Variants in GRIP1 observed in about 807,000 individuals in gnomAD.
The protein encoded by GRIP1 is glutamate receptor-interacting protein 1.
A neutral mutation model predicts 129.9 loss-of-function variants in GRIP1; 45 were observed. That is an observed-to-expected ratio of 0.35 (90% CI 0.27 to 0.44). The LOEUF (loss-of-function observed/expected upper bound fraction) is 0.44. Ranked by LOEUF, GRIP1 falls within the 20% of genes least tolerant of loss-of-function variation. GRIP1 has a pLI of 1.00. For synonymous variants in GRIP1, 530 were observed against 520.8 expected, an observed-to-expected ratio of 1.02 and a Z score of -0.24; for missense variants, 1,196 against 1,396.8, an observed-to-expected ratio of 0.86 and a Z score of 2.29.
chr12:66,724,231 T>A (rs890300312), intron 1 of GRIP1, among the ~76,000 whole-genome samples: 30 of 152,198 alleles, frequency 2.0e-4, no homozygotes, highest in Non-Finnish European at 4.4e-4. Flanking sequence ...GTCATTTCTT[T>A]ACACATATCA....
rs533267279 is a variant in GRIP1 at position 66,626,384 on chromosome 12, G to A, written c.56-29457C>T. Among the ~76,000 whole-genome samples, 8 of 146,698 alleles carry A rather than the reference G, an allele frequency of 5.5e-5. 1 individual carries two copies. In the South Asian group the frequency reaches 1.5e-3, roughly 28 times the overall value. On this transcript the variant is annotated intron_variant, in intron 1 of 24. Transcript: ENST00000359742. Reference sequence around the variant, plus strand: ...TTACTTTTAAAACCAAATGCTAAAAGAGTCAAACAAAAGTTCAATTAAAAA... The same window carrying A: ...TTACTTTTAAAACCAAATGCTAAAAAAGTCAAACAAAAGTTCAATTAAAAA...
In GRIP1 at chr12:66,561,825, G is replaced by A. The variant is rs939532041; in HGVS notation, c.137-19875C>T. On this transcript the variant is annotated intron_variant, in intron 2 of 24. Coordinates refer to ENST00000359742, the MANE Select transcript of GRIP1 (RefSeq NM_001366722.1). ...AAGAAAGAATATGTCTGGGTTTGGTGGCTCATGCCTGTAATCCTAGTAATT... is the reference window on the plus strand; with the variant it reads ...AAGAAAGAATATGTCTGGGTTTGGTAGCTCATGCCTGTAATCCTAGTAATT... Among the ~76,000 whole-genome samples, 9 of 152,284 alleles carry A rather than the reference G, an allele frequency of 5.9e-5. No individual in the cohort carries two copies. In the South Asian group the frequency reaches 1.9e-3, roughly 32 times the overall value.
At chr12:66,744,407 C>A (rs2036882326) in intron 1 of GRIP1, among the ~76,000 whole-genome samples, 1 of 152,090 alleles carries the variant, frequency 6.6e-6, no homozygotes, top group African/African-American at 2.4e-5. Context: ...AAACATAATG[C>A]CCTATATGTC....
chr12:66,456,391 C>G (rs1435217120), intron 9 of GRIP1, 49 bp from the exon 10 acceptor site: 6 of 1,053,296 alleles, frequency 5.7e-6, no homozygotes, highest in African/African-American at 1.7e-5. Flanking sequence ...AACGAACAAA[C>G]AAAGAACCAA....
intron 1 of GRIP1, among the ~76,000 whole-genome samples, chr12:66,723,226 C>A: frequency 6.2e-5 from 2 of 32,432 alleles, no homozygotes; most frequent in African/African-American, 3.2e-4. Context: ...TTCTTTCTTT[C>A]TCTCTCTCTC....
At chr12:66,578,839 A>G (rs1156729723) in intron 2 of GRIP1, among the ~76,000 whole-genome samples, 1 of 152,188 alleles carries the variant, frequency 6.6e-6, no homozygotes, top group Non-Finnish European at 1.5e-5. Flanking sequence ...GGGCACAGAC[A>G]AACAAAAAGA....
intron 1 of GRIP1, among the ~76,000 whole-genome samples, chr12:66,845,926 T>A (rs946715392): frequency 3.3e-5 from 5 of 152,158 alleles, no homozygotes; most frequent in African/African-American, 1.2e-4. Context: ...AAACCTCTAC[T>A]CCTACTCCTC....
intron 5 of GRIP1, among the ~76,000 whole-genome samples, chr12:66,525,225 C>A (rs571566843): frequency 7.8e-4 from 118 of 150,834 alleles, no homozygotes; most frequent in African/African-American, 2.6e-3. Context: ...GAGACACAAC[C>A]AAAAAAGAGA....
At chr12:67,045,983 T>C (rs908615993) in intron 1 of GRIP1, among the ~76,000 whole-genome samples, 1 of 152,138 alleles carries the variant, frequency 6.6e-6, no homozygotes, top group Admixed American at 6.6e-5. Flanking sequence ...ACCTTCCCAA[T>C]TTGGGGGTGC....
chr12:66,590,569 T>A (rs1217253281), intron 2 of GRIP1, among the ~76,000 whole-genome samples: 1 of 152,074 alleles, frequency 6.6e-6, no homozygotes, highest in South Asian at 2.1e-4. Flanking sequence ...TAGACTAGGG[T>A]TTTTCCTCAT....
In GRIP1 at chr12:66,444,471, C is replaced by T. The variant is rs571507594; in HGVS notation, c.1687+113G>A. On this transcript the variant is annotated intron_variant, in intron 13 of 24. Coordinates refer to ENST00000359742, the MANE Select transcript of GRIP1 (RefSeq NM_001366722.1). ...ACTGCAGTCCGCAGTCCAGCCTGGG[C>T]GACAGAGCGAGACTCCGTCTCAAAA... 2.7e-5 allele frequency: 23 copies of T among 863,144 alleles called. 1 individual carries two copies. The East Asian group carries it at 4.1e-4, about 15-fold the overall frequency. The allele number at this position is 863,144 out of a possible 1,614,324, so 53.5% of individuals were successfully genotyped here.
chr12:66,613,055 T>C (rs938294715), intron 1 of GRIP1, among the ~76,000 whole-genome samples: 48 of 152,282 alleles, frequency 3.2e-4, no homozygotes, highest in East Asian at 7.7e-4. Context: ...AAAGCATAGT[T>C]AAATAATCCC....
rs141517561 is a variant in GRIP1, at chr12:66,995,635, A to G, written c.58+73415T>C. 5.7e-3 allele frequency among the ~76,000 whole-genome samples: 862 copies of G among 152,318 alleles called. 4 individuals are homozygous for G. The highest frequency in any genetic ancestry group is 7.8e-3 in the Non-Finnish European group (529 of 67,996). ...CAAGGAAATGCAAATCAAAGCCACA[A>G]TGAAGTACTAGTTCACATCTACTAG... is the stretch of plus-strand genomic sequence containing the variant. On this transcript the variant is annotated intron_variant, in intron 1 of 1. Coordinates refer to the GRIP1 transcript ENST00000643019.
intron 1 of GRIP1, among the ~76,000 whole-genome samples, chr12:66,888,744 T>C (rs992130555): frequency 9.9e-5 from 15 of 152,224 alleles, no homozygotes; most frequent in African/African-American, 3.4e-4. Flanking sequence ...GAATTTCAAG[T>C]TCCTATTTTT....
At chr12:66,888,037 G>A (rs1436641519) in intron 1 of GRIP1, among the ~76,000 whole-genome samples, 1 of 152,042 alleles carries the variant, frequency 6.6e-6, no homozygotes, top group African/African-American at 2.4e-5. Flanking sequence ...CCTAAGAAAT[G>A]ACTTTTTTAT....
chr12:67,051,445 T>C (rs920211544), intron 1 of GRIP1, among the ~76,000 whole-genome samples: 1 of 152,238 alleles, frequency 6.6e-6, no homozygotes, highest in Non-Finnish European at 1.5e-5. Flanking sequence ...CCCATGTAGA[T>C]TGATACTCTG....
chr12:66,604,881 G>A (rs924968999), intron 1 of GRIP1, among the ~76,000 whole-genome samples: 1 of 151,630 alleles, frequency 6.6e-6, no homozygotes, highest in Admixed American at 6.6e-5. Context: ...GTATTAACAG[G>A]TATAAACTTG....
chr12:66,913,964 A>G (rs1013495260), intron 1 of GRIP1, among the ~76,000 whole-genome samples: 1 of 152,182 alleles, frequency 6.6e-6, no homozygotes, highest in African/African-American at 2.4e-5. Flanking sequence ...ATAATACCCA[A>G]TAATTACTGC....
chr12:67,011,193 C>T (rs551797514), intron 1 of GRIP1, among the ~76,000 whole-genome samples: 6 of 152,202 alleles, frequency 3.9e-5, no homozygotes, highest in South Asian at 2.1e-4. Context: ...GCTTCTCCTC[C>T]GGAGTTCCCA....
Sources: gnomAD v4.1 joint callset for allele counts (sites outside exome capture counted in the v4.1 genomes callset) on GRCh38, gnomAD v4.1.1 for gene constraint, MANE v1.5 for transcripts, NCBI Gene and HGNC (gene_info 2026-07-23, HGNC 2026-07-21) for gene names.